Variants in DYNC2LI1 observed in about 807,000 individuals in gnomAD.
DYNC2LI1 encodes dynein cytoplasmic 2 light intermediate chain 1, also known as cytoplasmic dynein 2 light intermediate chain 1.
DYNC2LI1 carries 45 observed loss-of-function variants against 51.9 expected under a neutral mutation model. The ratio of observed to expected loss-of-function variants is 0.87; its 90% confidence interval spans 0.68 to 1.11. The LOEUF (loss-of-function observed/expected upper bound fraction) is 1.11. Among genes scored for constraint, DYNC2LI1 ranks in the 50% most tolerant of loss-of-function variants. The probability of loss-of-function intolerance (pLI) is 0.00; values close to 1 mark genes in which losing one functional copy is unlikely to be tolerated. For missense variants in DYNC2LI1, 490 were observed against 417.4 expected (o/e 1.17, Z -1.51); for synonymous variants, 130 against 137.8 (o/e 0.94, Z 0.40).
At chr2:43,811,846 G>C (rs1217606443), downstream of DYNC2LI1, among the ~76,000 whole-genome samples, 1 of 151,962 alleles carries the variant, frequency 6.6e-6, no homozygotes, top group East Asian at 1.9e-4. Context: ...CACCCGCCTC[G>C]GCCTCCCAAA....
Position 43,800,848 on chromosome 2 carries a change from G to A in DYNC2LI1, c.662G>A (p.Ser221Asn), listed in dbSNP as rs369006328. 1 of 1,587,480 alleles carries A rather than the reference G, an allele frequency of 6.3e-7. No individual in the cohort carries two copies. The highest frequency in any genetic ancestry group is 8.6e-7 in the Non-Finnish European group (1 of 1,164,304). The change falls in exon 9 of 13, where the codon AGT becomes AAT. Residue 221 changes from serine to asparagine, a missense_variant. Physicochemically the swap from Ser to Asn is conservative, Grantham distance 46. Transcript: ENST00000260605. ...CTCCTGATTTGTTTAAAGTTTACCAGTAAATCAGAAGCTCTATTACTAAAA... is the reference window on the plus strand; with the variant it reads ...CTCCTGATTTGTTTAAAGTTTACCAATAAATCAGAAGCTCTATTACTAAAA... ...HYYGASLMFT[S>N]KSEALLLKIR...
intron 8 of DYNC2LI1, among the ~76,000 whole-genome samples, chr2:43,798,210 C>T (rs1410823849): frequency 6.6e-6 from 1 of 152,170 alleles, no homozygotes; most frequent in Non-Finnish European, 1.5e-5. Flanking sequence ...ACAACATGGT[C>T]TAGCCGCTTG....
At chr2:43,792,352 T>C (rs570495031) in intron 5 of DYNC2LI1, among the ~76,000 whole-genome samples, 1 of 152,280 alleles carries the variant, frequency 6.6e-6, no homozygotes, top group South Asian at 2.1e-4. Context: ...AATAACATAT[T>C]ATAATTTTGT....
chr2:43,805,208 G>A lies in DYNC2LI1; in HGVS notation c.955G>A (p.Glu319Lys). 6.2e-7 allele frequency: 1 copy of A among 1,611,578 alleles called. No individual in the cohort carries two copies. Among genetic ancestry groups the A allele is most frequent in the Non-Finnish European group, 8.5e-7 (1 of 1,177,956 alleles). The change falls in exon 12 of 13, where the codon GAA becomes AAA. Residue 319 changes from glutamate (E) to lysine (K), a missense_variant. Physicochemically the swap from Glu to Lys is moderately conservative, Grantham distance 56. Coordinates refer to ENST00000260605, the MANE Select transcript of DYNC2LI1 (RefSeq NM_016008.4). Reference protein sequence around the residue: ...KDPARDPQYAENEVDEMRIQK... With the variant: ...KDPARDPQYAKNEVDEMRIQK... ...CCCTGCGAGAGATCCTCAGTATGCT[G>A]AAAATGAAGTCGATGAGATGAGAAT...
At chr2:43,796,333 CAA>C (rs367924644) in intron 7 of DYNC2LI1, among the ~76,000 whole-genome samples, 52 of 106,382 alleles carry the variant, frequency 4.9e-4, no homozygotes, top group Non-Finnish European at 3.7e-4. Context: ...ACACTTGTCT[CAA>C]AAAAAAAAAA....
At chr2:43,818,477 T>C in the DYNC2LI1 span, among the ~76,000 whole-genome samples, 2 of 152,132 alleles carry the variant, frequency 1.3e-5, no homozygotes, top group Non-Finnish European at 2.9e-5. Flanking sequence ...ATACGGTTTC[T>C]ACAGAACGAG....
At chr2:43,821,974 A>G in the DYNC2LI1 span, among the ~76,000 whole-genome samples, 3 of 151,900 alleles carry the variant, frequency 2.0e-5, no homozygotes, top group East Asian at 5.8e-4. Context: ...ACCTTGGTCT[A>G]CTCTGGGAAC....
intron 8 of DYNC2LI1, among the ~76,000 whole-genome samples, chr2:43,800,022 G>A (rs1359877267): frequency 1.3e-5 from 2 of 152,138 alleles, no homozygotes; most frequent in Non-Finnish European, 2.9e-5. Flanking sequence ...GAACCATAAC[G>A]CTGATACCTT....
chr2:43,810,707 G>A (rs1342457395), downstream of DYNC2LI1, among the ~76,000 whole-genome samples: 7 of 152,146 alleles, frequency 4.6e-5, no homozygotes, highest in Admixed American at 2.0e-4. Flanking sequence ...TTTGCAGTAC[G>A]TATGGTTCTG....
chr2:43,789,718 T>A lies in DYNC2LI1; in HGVS notation c.317T>A (p.Leu106Ter). Residue 106 changes from leucine (L) to a stop codon, truncating the protein, a stop_gained, in exon 5 of 13, where the codon TTA (leucine) becomes TAA (stop). Coordinates refer to ENST00000260605, the MANE Select transcript of DYNC2LI1 (RefSeq NM_016008.4). LOFTEE classifies it high-confidence loss of function. The part of the protein sequence containing the change: ...LISIPITGDT[L>*]RTFSLVLVLD... ...AGCATACCCATCACAGGTGACACCT[T>A]ACGGTAAGTGAGCCAGCTCCAGGAA... The A allele has an allele frequency of 6.2e-7, 1 of 1,613,036 alleles. No individual in the cohort carries two copies. Among genetic ancestry groups the A allele is most frequent in the South Asian group, 1.1e-5 (1 of 90,814 alleles).
intron 12 of DYNC2LI1, among the ~76,000 whole-genome samples, chr2:43,809,213 A>C (rs772788814): frequency 4.6e-5 from 7 of 152,056 alleles, no homozygotes; most frequent in Non-Finnish European, 8.8e-5. Context: ...GCTGGTCTCA[A>C]ATTCCTGGGC....
intron 10 of DYNC2LI1, among the ~76,000 whole-genome samples, chr2:43,802,581 C>A (rs940833729): frequency 3.8e-4 from 58 of 152,116 alleles, no homozygotes; most frequent in Non-Finnish European, 1.5e-5. Flanking sequence ...GTGAGAATCA[C>A]TGTTGTACTG....
At chr2:43,788,411 G>T (rs9284743) in intron 4 of DYNC2LI1, among the ~76,000 whole-genome samples, 25,346 of 152,046 alleles carry the variant, frequency 0.17, 3,153 homozygotes, top group African/African-American at 0.34. Context: ...TTTCTAAACT[G>T]TGTACTATCA....
At chr2:43,817,609 A>T in the DYNC2LI1 span, among the ~76,000 whole-genome samples, 1 of 151,706 alleles carries the variant, frequency 6.6e-6, no homozygotes, top group African/African-American at 2.4e-5. Context: ...AAAATATTCT[A>T]AGTTAAAAAT....
chr2:43,783,933 G>A (rs1673403307), intron 3 of DYNC2LI1, among the ~76,000 whole-genome samples: 1 of 152,150 alleles, frequency 6.6e-6, no homozygotes, highest in Admixed American at 6.6e-5. Flanking sequence ...TTGAAGCACA[G>A]TGTTGGTCCT....
At chr2:43,813,230 T>G (rs1023246862), downstream of DYNC2LI1, 1 of 1,613,584 alleles carries the variant, frequency 6.2e-7, no homozygotes, top group Non-Finnish European at 8.5e-7. Context: ...ATGTTGCACC[T>G]GGGCAGGTTT....
chr2:43,774,289 G>A, intron 1 of DYNC2LI1, 143 bp downstream of exon 1: 1 of 1,084,650 alleles, frequency 9.2e-7, no homozygotes, highest in Non-Finnish European at 1.3e-6. Flanking sequence ...CTAGGAATCA[G>A]CCTTGAGCAT....
chr2:43,774,046 C>G lies in DYNC2LI1; in HGVS notation c.-93C>G. On this transcript the variant is annotated 5_prime_UTR_variant, in exon 1 of 13. Coordinates refer to ENST00000260605, the MANE Select transcript of DYNC2LI1 (RefSeq NM_016008.4). ...TCGCTCCCATGGCAACCCAGAAGGC[C>G]TCACTCCCAGACTCCTTGCGGAGCT... The G allele has an allele frequency of 1.3e-6, 2 of 1,551,844 alleles. No homozygotes were observed. Among genetic ancestry groups the G allele is most frequent in the Non-Finnish European group, 1.8e-6 (2 of 1,141,780 alleles).
At chr2:43,823,995 A>G in the DYNC2LI1 span, 1 of 1,614,154 alleles carries the variant, frequency 6.2e-7, no homozygotes, top group Admixed American at 1.7e-5. Flanking sequence ...CCTGGATAGC[A>G]CCCTTTAGCA....
Sources: allele counts gnomAD v4.1 joint callset (sites outside exome capture counted in the v4.1 genomes callset), GRCh38; gene constraint gnomAD v4.1.1; transcripts MANE v1.5; gene names NCBI Gene and HGNC (gene_info 2026-07-23, HGNC 2026-07-21).